Variants in IMPG2 observed in about 807,000 individuals in gnomAD.
IMPG2 encodes the protein IPM 200.
Under a neutral mutation model 129.2 loss-of-function variants are expected in IMPG2, and 91 were observed. That is an observed-to-expected ratio of 0.70 (90% confidence interval 0.59 to 0.84). The LOEUF (loss-of-function observed/expected upper bound fraction) is 0.84, where lower values mean the gene tolerates loss of function less well. Ranked by LOEUF, IMPG2 falls within the 40% of genes least tolerant of loss-of-function variation. The pLI is 0.00. For missense variants in IMPG2, 1,430 were observed against 1,461.7 expected (o/e 0.98, Z 0.35); for synonymous variants, 510 against 517.7 (o/e 0.99, Z 0.20).
chr3:101,274,514 T>C (rs966267335), intron 6 of IMPG2, among the ~76,000 whole-genome samples: 2 of 152,144 alleles, frequency 1.3e-5, no homozygotes, highest in Admixed American at 6.5e-5. Context: ...GATGGGAAAA[T>C]GCATTAGGAA....
chr3:101,320,261 TAAAA>T (rs747082623), intron 1 of IMPG2, 23 bp downstream of exon 1: 11 of 1,299,452 alleles, frequency 8.5e-6, no homozygotes, highest in Non-Finnish European at 1.2e-5. Context: ...TATGGAAAGA[TAAAA>T]ACAAATGTAG....
chr3:101,234,655 GT>G lies in IMPG2; in HGVS notation c.3023-1665del, dbSNP rs554652035. On this transcript the variant is annotated intron_variant, in intron 14 of 18. Coordinates refer to ENST00000193391, the MANE Select transcript of IMPG2 (RefSeq NM_016247.4). The stretch of plus-strand genomic sequence containing the variant: ...TCTTCACATCTTTATCCGGGTATTC[GT>G]TTTGTGACTTTGTAATCAGAAAATA... Among the ~76,000 whole-genome samples the G allele has an allele frequency of 7.2e-5, 11 of 152,282 alleles. No individual in the cohort carries two copies. In the South Asian group the frequency reaches 2.3e-3, roughly 32 times the overall value.
intron 3 of IMPG2, among the ~76,000 whole-genome samples, chr3:101,299,571 G>C (rs1707118381): frequency 6.6e-6 from 1 of 151,896 alleles, no homozygotes; most frequent in Non-Finnish European, 1.5e-5. Context: ...CTTGGATTGA[G>C]TTTTTGTAGG....
intron 3 of IMPG2, among the ~76,000 whole-genome samples, chr3:101,299,928 G>A (rs1415084534): frequency 6.6e-6 from 1 of 152,218 alleles, no homozygotes; most frequent in Admixed American, 6.5e-5. Flanking sequence ...TTGCCCCTTG[G>A]TGGAGGGGGT....
intron 2 of IMPG2, among the ~76,000 whole-genome samples, chr3:101,311,822 C>T (rs1707265553): frequency 6.6e-6 from 1 of 152,044 alleles, no homozygotes; most frequent in Non-Finnish European, 1.5e-5. Flanking sequence ...AAAGCAAAGA[C>T]TACAGAACTG....
chr3:101,229,647 G>C, intron 16 of IMPG2, 57 bp from the exon 17 acceptor site: 2 of 1,445,754 alleles, frequency 1.4e-6, no homozygotes, highest in Non-Finnish European at 1.9e-6. Flanking sequence ...CTATGTGGAA[G>C]ACTATTTACC....
Position 101,257,541 on chromosome 3 carries a change from G to T in IMPG2, c.1141C>A (p.Gln381Lys), listed in dbSNP as rs1706623801. 1 of 1,613,296 alleles carries T rather than the reference G, an allele frequency of 6.2e-7. No homozygotes were observed. Among genetic ancestry groups the T allele is most frequent in the Non-Finnish European group, 8.5e-7 (1 of 1,179,450 alleles). Residue 381 changes from glutamine to lysine, a missense_variant, in exon 10 of 19, where the codon CAG becomes AAG. Gln to Lys is a moderately conservative substitution (Grantham distance 53). Coordinates refer to ENST00000193391, the MANE Select transcript of IMPG2 (RefSeq NM_016247.4). ...ATATCAAACTCACCATTGATAAGCT[G>T]CAGGGAATCAGGATCTGGATTCAAG... ...SSLNPDPDSL[Q>K]LINVRGVLRH...
intron 11 of IMPG2, among the ~76,000 whole-genome samples, chr3:101,246,747 A>G (rs1286696142): frequency 6.6e-6 from 1 of 152,210 alleles, no homozygotes; most frequent in East Asian, 1.9e-4. Context: ...ATGGAGAAGA[A>G]TACAGAAACA....
At chr3:101,291,540 G>T in intron 3 of IMPG2, 30 bp from the exon 4 acceptor site, 1 of 1,571,412 alleles carries the variant, frequency 6.4e-7, no homozygotes, top group South Asian at 1.1e-5. Context: ...AAAAATGACT[G>T]AGTTAACAAC....
At chr3:101,242,546 T>C (rs1406829351) in intron 14 of IMPG2, 142 bp downstream of exon 14, 2 of 691,256 alleles carry the variant, frequency 2.9e-6, no homozygotes, top group Non-Finnish European at 2.6e-6. Flanking sequence ...TTTTACTAGT[T>C]ACCAAGATGT....
intron 12 of IMPG2, 91 bp downstream of exon 12, chr3:101,245,711 T>C: frequency 8.5e-7 from 1 of 1,179,408 alleles, no homozygotes; most frequent in South Asian, 1.2e-5. Context: ...AATGCTACCA[T>C]GTTTTTTTCA....
intron 2 of IMPG2, among the ~76,000 whole-genome samples, chr3:101,312,842 T>C (rs922185715): frequency 2.3e-4 from 35 of 152,064 alleles, no homozygotes; most frequent in African/African-American, 8.5e-4. Context: ...AAAGACCATA[T>C]ATTATACGAT....
In IMPG2 at chr3:101,244,767, A is replaced by T; in HGVS notation, c.1564T>A (p.Ser522Thr). 1.2e-6 allele frequency: 2 copies of T among 1,613,818 alleles called. No homozygotes were observed. The highest frequency in any genetic ancestry group is 1.7e-6 in the Non-Finnish European group (2 of 1,179,828). Reference sequence around the variant, plus strand: ...GAATCAATAGAAAGAAAATCTTCTGACTCTTCAACATTGGCTAATCCTAAA... The same window carrying T: ...GAATCAATAGAAAGAAAATCTTCTGTCTCTTCAACATTGGCTAATCCTAAA... ...VEDGLANVEE[S>T]EDFLSIDSLP... The change falls in exon 13 of 19, where the codon TCA becomes ACA. Residue 522 changes from serine (S) to threonine (T), a missense_variant. Coordinates refer to ENST00000193391, the MANE Select transcript of IMPG2 (RefSeq NM_016247.4).
In IMPG2 at chr3:101,244,726, T is replaced by A; in HGVS notation, c.1605A>T (p.Ser535=). Residue 535 remains serine (S), a synonymous_variant, in exon 13 of 19, where the codon TCA becomes TCT. Coordinates refer to ENST00000193391, the MANE Select transcript of IMPG2 (RefSeq NM_016247.4). Reference sequence around the variant, plus strand: ...TTTCTTTTGGCACAGGTTGAGTGAATGAACTTGAAGGCAATGAATCAATAG... The same window carrying A: ...TTTCTTTTGGCACAGGTTGAGTGAAAGAACTTGAAGGCAATGAATCAATAG... ...FLSIDSLPSS[S]FTQPVPKETI... The A allele has an allele frequency of 1.9e-6, 3 of 1,614,098 alleles. No homozygotes were observed. The highest frequency in any genetic ancestry group is 2.5e-6 in the Non-Finnish European group (3 of 1,179,960).
intron 14 of IMPG2, 106 bp downstream of exon 14, chr3:101,242,581 CT>C: frequency 1.2e-6 from 1 of 861,506 alleles, no homozygotes. Flanking sequence ...ACATAGTACT[CT>C]TTTTTCCTGC....
At chr3:101,272,625 C>G (rs1219740636) in intron 7 of IMPG2, among the ~76,000 whole-genome samples, 1 of 152,218 alleles carries the variant, frequency 6.6e-6, no homozygotes, top group South Asian at 2.1e-4. Context: ...CAGGTGGCCA[C>G]TGGCCTGGCT....
At chr3:101,245,231 A>G (rs1324000448) in intron 12 of IMPG2, among the ~76,000 whole-genome samples, 2 of 152,106 alleles carry the variant, frequency 1.3e-5, no homozygotes, top group South Asian at 2.1e-4. Context: ...TGAACTCATT[A>G]TTTATATATT....
intron 18 of IMPG2, among the ~76,000 whole-genome samples, chr3:101,228,501 T>C (rs960563686): frequency 2.0e-5 from 3 of 152,216 alleles, no homozygotes; most frequent in Non-Finnish European, 2.9e-5. Flanking sequence ...AGACAGTATC[T>C]TAGTTTTAAA....
rs1706812321 is a variant in IMPG2 at position 101,273,721 on chromosome 3, C to T, written c.688G>A (p.Val230Met). The change falls in exon 7 of 19, where the codon GTG becomes ATG. Residue 230 changes from valine to methionine, a missense_variant. By Grantham distance (21) the Val-to-Met change is conservative. Coordinates refer to ENST00000193391, the MANE Select transcript of IMPG2 (RefSeq NM_016247.4). ...GCTGGTTTTGTGGCTTCTTCTATCA[C>T]ATTCTCAATTTCATTGCTAATCTGA... is the stretch of plus-strand genomic sequence containing the variant. Reference protein sequence around the residue: ...EESISNEIENVIEEATKPAGE... With the variant: ...EESISNEIENMIEEATKPAGE... 1 of 1,614,118 alleles carries T rather than the reference C, an allele frequency of 6.2e-7. No homozygotes were observed. Among genetic ancestry groups the T allele is most frequent in the Non-Finnish European group, 8.5e-7 (1 of 1,179,980 alleles).
Sources: gnomAD v4.1 joint callset for allele counts (sites outside exome capture counted in the v4.1 genomes callset) on GRCh38, gnomAD v4.1.1 for gene constraint, MANE v1.5 for transcripts, NCBI Gene and HGNC (gene_info 2026-07-23, HGNC 2026-07-21) for gene names.